Variants in MAF observed in about 807,000 individuals in gnomAD.
MAF encodes transcription factor Maf.
MAF carries 10 observed loss-of-function variants against 22.0 expected under a neutral mutation model. The observed-to-expected ratio is 0.45, with a 90% CI of 0.28 to 0.77. MAF has a LOEUF of 0.77. Ranked by LOEUF, MAF falls within the 30% of genes least tolerant of loss-of-function variation. The pLI, the probability that MAF is intolerant of heterozygous loss-of-function variation, is 0.12. For synonymous variants in MAF, 337 were observed against 255.8 expected, an observed-to-expected ratio of 1.32 and a Z score of -3.03; for missense variants, 544 against 548.4, an observed-to-expected ratio of 0.99 and a Z score of 0.08.
the MAF span, among the ~76,000 whole-genome samples, chr16:79,471,660 C>G: frequency 6.6e-6 from 1 of 152,098 alleles, no homozygotes; most frequent in Non-Finnish European, 1.5e-5. Context: ...CTGGGCATCA[C>G]GGCAAGGCAC....
At chr16:79,551,019 G>C in the MAF span, among the ~76,000 whole-genome samples, 1 of 152,116 alleles carries the variant, frequency 6.6e-6, no homozygotes, top group Admixed American at 6.5e-5. Context: ...CCCGCATGGG[G>C]AGCAGCAAAC....
At chr16:79,427,391 C>A in the MAF span, among the ~76,000 whole-genome samples, 1 of 152,202 alleles carries the variant, frequency 6.6e-6, no homozygotes, top group Non-Finnish European at 1.5e-5. Flanking sequence ...GCTTGAACAG[C>A]CCCATTCATC....
chr16:79,241,485 A>T, the MAF span, among the ~76,000 whole-genome samples: 2 of 152,208 alleles, frequency 1.3e-5, no homozygotes, highest in South Asian at 4.1e-4. Context: ...AGAAGACAAG[A>T]TTAGAGAAAA....
the MAF span, among the ~76,000 whole-genome samples, chr16:79,242,486 T>C: frequency 6.6e-6 from 1 of 151,664 alleles, no homozygotes; most frequent in Admixed American, 6.6e-5. Context: ...AAGGGATCAA[T>C]GCAACAAGAA....
At chr16:79,306,254 T>G in the MAF span, among the ~76,000 whole-genome samples, 2 of 152,190 alleles carry the variant, frequency 1.3e-5, no homozygotes, top group Non-Finnish European at 2.9e-5. Flanking sequence ...TGTAATCCTG[T>G]GTGATGCACA....
the MAF span, among the ~76,000 whole-genome samples, chr16:79,236,172 G>C: frequency 2.0e-5 from 3 of 152,054 alleles, no homozygotes; most frequent in Non-Finnish European, 4.4e-5. Flanking sequence ...TTGCTTCCTG[G>C]TGTCTCTCCT....
the MAF span, among the ~76,000 whole-genome samples, chr16:79,339,657 C>T: frequency 1.3e-5 from 2 of 152,068 alleles, no homozygotes; most frequent in African/African-American, 2.4e-5. Context: ...TAAAAAATAA[C>T]AATATTATTT....
At chr16:79,561,591 T>C in the MAF span, among the ~76,000 whole-genome samples, 1 of 151,922 alleles carries the variant, frequency 6.6e-6, no homozygotes, top group Non-Finnish European at 1.5e-5. Flanking sequence ...CTTGCGATAG[T>C]TTGCTGAGAA....
chr16:79,284,275 T>A, the MAF span, among the ~76,000 whole-genome samples: 2 of 152,176 alleles, frequency 1.3e-5, no homozygotes, highest in Non-Finnish European at 2.9e-5. Flanking sequence ...ATGTTGCACT[T>A]CCTTCTTTCT....
chr16:79,589,340 T>A (rs1465955502), downstream of MAF, among the ~76,000 whole-genome samples: 1 of 152,198 alleles, frequency 6.6e-6, no homozygotes, highest in East Asian at 1.9e-4. Flanking sequence ...TTTGCTTGAC[T>A]GACTTTGTTT....
the MAF span, chr16:79,204,308 G>A: frequency 2.6e-5 from 4 of 152,106 alleles, no homozygotes; most frequent in Non-Finnish European, 5.9e-5. Context: ...GGTCCGGTCA[G>A]TTCTAGAACG....
chr16:79,222,960 C>T, the MAF span, among the ~76,000 whole-genome samples: 3,737 of 152,162 alleles, frequency 0.025, 52 homozygotes, highest in East Asian at 0.045. Context: ...GACATATCGA[C>T]GAGACAGAAA....
chr16:79,487,749 T>A, the MAF span, among the ~76,000 whole-genome samples: 1 of 152,226 alleles, frequency 6.6e-6, no homozygotes, highest in African/African-American at 2.4e-5. Flanking sequence ...CTTCGGAGAC[T>A]ACATCCTTGG....
At chr16:79,293,722 G>T in the MAF span, among the ~76,000 whole-genome samples, 6 of 152,252 alleles carry the variant, frequency 3.9e-5, no homozygotes, top group East Asian at 1.2e-3. Context: ...GTGCATAGTA[G>T]TGTGTCTGTG....
the MAF span, among the ~76,000 whole-genome samples, chr16:79,555,872 G>C: frequency 1.3e-5 from 2 of 152,162 alleles, no homozygotes; most frequent in Admixed American, 1.3e-4. Context: ...ATTTGGGATA[G>C]GGATATAAAC....
At chr16:79,323,600 C>G in the MAF span, among the ~76,000 whole-genome samples, 1 of 152,104 alleles carries the variant, frequency 6.6e-6, no homozygotes, top group Admixed American at 6.5e-5. Context: ...CCATGGGCAC[C>G]GGAAAGGGTG....
chr16:79,492,291 G>A, the MAF span, among the ~76,000 whole-genome samples: 1 of 152,042 alleles, frequency 6.6e-6, no homozygotes, highest in Admixed American at 6.6e-5. Context: ...CATTCCGGGT[G>A]CAAAATTTAA....
chr16:79,468,176 G>T, the MAF span, among the ~76,000 whole-genome samples: 1 of 152,138 alleles, frequency 6.6e-6, no homozygotes, highest in Non-Finnish European at 1.5e-5. Context: ...GGCTGCAGAG[G>T]GCCCTGCACA....
At chr16:79,375,474 G>A in the MAF span, among the ~76,000 whole-genome samples, 1 of 152,158 alleles carries the variant, frequency 6.6e-6, no homozygotes, top group East Asian at 1.9e-4. Flanking sequence ...GCATGGTGGT[G>A]ATGAAGATGA....
Sources: gnomAD v4.1 joint callset for allele counts (sites outside exome capture counted in the v4.1 genomes callset) on GRCh38, gnomAD v4.1.1 for gene constraint, MANE v1.5 for transcripts, NCBI Gene and HGNC (gene_info 2026-07-23, HGNC 2026-07-21) for gene names.